Variants in JHY observed in about 807,000 individuals in gnomAD.
The protein encoded by JHY is junctional cadherin complex regulator.
In JHY, 69 loss-of-function variants were observed where a neutral mutation model predicts 78.0. The observed-to-expected ratio is 0.88, with a 90% confidence interval of 0.73 to 1.08. The LOEUF is 1.08. Among genes scored for constraint, JHY ranks in the 50% least tolerant of loss-of-function variants. The probability of loss-of-function intolerance (pLI) is 0.00; values close to 1 mark genes in which losing one functional copy is unlikely to be tolerated. For synonymous variants in JHY, 368 were observed against 342.6 expected (o/e 1.07, Z -0.82); for missense variants, 944 against 927.8 (o/e 1.02, Z -0.23).
rs749156371 is a variant in JHY, at chr11:122,904,401, T to G, written c.821T>G (p.Leu274Arg). The change falls in exon 3 of 9, where the codon CTT (leucine) becomes CGT (arginine). Residue 274 changes from leucine to arginine, a missense_variant. Transcript: ENST00000227349. The stretch of plus-strand genomic sequence containing the variant: ...CCCACCCCGAAAACGGACTCTTATC[T>G]TCAACTTCACAATAAAAAAAGAGGG... ...GLPTPKTDSYLQLHNKKRGES... is the reference protein window; with the variant it reads ...GLPTPKTDSYRQLHNKKRGES... The G allele has an allele frequency of 1.2e-6, 2 of 1,613,868 alleles. No individual in the cohort carries two copies. Among genetic ancestry groups the G allele is most frequent in the South Asian group, 1.1e-5 (1 of 91,074 alleles).
chr11:122,930,125 G>A (rs1565326344), intron 4 of JHY, among the ~76,000 whole-genome samples: 1 of 152,216 alleles, frequency 6.6e-6, no homozygotes, highest in Non-Finnish European at 1.5e-5. Context: ...CTATCACCCA[G>A]GATGGAGTAC....
In JHY at chr11:122,962,426, G is replaced by A. The variant is rs991627675; in HGVS notation, c.*2981G>A. On this transcript the variant is annotated 3_prime_UTR_variant, in exon 9 of 9. Transcript: ENST00000227349. ...AATTGAGAGTCTGCAAAGATAACAA[G>A]TATCTGAAGATAAACAGAAAACTGG... Among the ~76,000 whole-genome samples the A allele has an allele frequency of 1.3e-5, 2 of 152,182 alleles. No individual in the cohort carries two copies. Among genetic ancestry groups the A allele is most frequent in the Non-Finnish European group, 2.9e-5 (2 of 68,044 alleles).
chr11:122,898,567 G>C lies in JHY; in HGVS notation c.345-5358G>C, dbSNP rs1232340772. ...TGCTCCCTTTCCACATCCCACTCCT[G>C]AGTGAGTAGCAGAACAGTGATCCCC... On this transcript the variant is annotated intron_variant, in intron 2 of 8. Transcript: ENST00000227349. The surrounding 1 kb of genome is among the most constrained non-coding windows in gnomAD (Gnocchi z 4.4). Among the ~76,000 whole-genome samples the C allele has an allele frequency of 6.6e-6, 1 of 152,092 alleles. No individual in the cohort carries two copies. Among genetic ancestry groups the C allele is most frequent in the East Asian group, 1.9e-4 (1 of 5,198 alleles).
chr11:122,910,527 T>C (rs1172285860), intron 3 of JHY, among the ~76,000 whole-genome samples: 1 of 151,650 alleles, frequency 6.6e-6, no homozygotes, highest in African/African-American at 2.4e-5. Context: ...TGTATTTTCA[T>C]GGCACGCATA....
chr11:122,949,308 G>T (rs752608974), intron 6 of JHY, among the ~76,000 whole-genome samples: 1 of 151,912 alleles, frequency 6.6e-6, no homozygotes, highest in Non-Finnish European at 1.5e-5. Flanking sequence ...TGTGTAGGAC[G>T]GGGGGATCAT....
At chr11:122,899,830 G>C (rs994737382) in intron 2 of JHY, among the ~76,000 whole-genome samples, 43 of 152,236 alleles carry the variant, frequency 2.8e-4, no homozygotes, top group African/African-American at 8.9e-4. Flanking sequence ...CTGAATCAGA[G>C]ATGACTGATT....
At chr11:122,952,544 T>C (rs1236242080) in intron 6 of JHY, among the ~76,000 whole-genome samples, 3 of 152,156 alleles carry the variant, frequency 2.0e-5, no homozygotes, top group Non-Finnish European at 2.9e-5. Flanking sequence ...AGATCACCCT[T>C]TAGGCCACAC....
intron 6 of JHY, among the ~76,000 whole-genome samples, chr11:122,951,160 G>A (rs1385718027): frequency 6.6e-6 from 1 of 152,140 alleles, no homozygotes; most frequent in Admixed American, 6.5e-5. Flanking sequence ...ATTAAAACTT[G>A]GAGGATTTGT....
At position 122,917,787 on chromosome 11, in the gene JHY, A is replaced by T. The variant is rs1774899197; in HGVS notation, c.865-7110A>T. ...ATTCTTAGTTAGTTATGGAGAGTTC[A>T]GATTGCTGGATAATCAGTCTTTCTG... On this transcript the variant is annotated intron_variant, in intron 3 of 8. Transcript: ENST00000227349. The surrounding 1 kb of genome is among the most constrained non-coding windows in gnomAD (Gnocchi z 4.1). Among the ~76,000 whole-genome samples, 2 of 152,224 alleles carry T rather than the reference A, an allele frequency of 1.3e-5. No homozygotes were observed. The highest frequency in any genetic ancestry group is 2.9e-5 in the Non-Finnish European group (2 of 68,030).
intron 4 of JHY, among the ~76,000 whole-genome samples, chr11:122,933,981 C>A (rs2135354135): frequency 6.6e-6 from 1 of 152,262 alleles, no homozygotes. Flanking sequence ...ACTTTTAAAA[C>A]TTAAACTTTG....
At chr11:122,905,628 G>C (rs1448778777) in intron 3 of JHY, 2 of 980,200 alleles carry the variant, frequency 2.0e-6, no homozygotes, top group African/African-American at 3.5e-5. Context: ...AGCACTTTGG[G>C]AGGTCGAGGT....
chr11:122,917,153 G>A lies in JHY; in HGVS notation c.865-7744G>A, dbSNP rs1863249564. 6.6e-6 allele frequency among the ~76,000 whole-genome samples: 1 copy of A among 152,050 alleles called. No individual in the cohort carries two copies. Among genetic ancestry groups the A allele is most frequent in the Non-Finnish European group, 1.5e-5 (1 of 68,030 alleles). ...GTACAATAGGAATAAACAGGTTTGG[G>A]AACAAATGGAAAAGACTCTTGGTAA... On this transcript the variant is annotated intron_variant, in intron 3 of 8. Transcript: ENST00000227349. The surrounding 1 kb of genome is among the most constrained non-coding windows in gnomAD (Gnocchi z 4.1).
intron 2 of JHY, among the ~76,000 whole-genome samples, chr11:122,899,251 A>G (rs1862795865): frequency 6.6e-6 from 1 of 152,250 alleles, no homozygotes; most frequent in Non-Finnish European, 1.5e-5. Context: ...TGAATGAGCA[A>G]ATTGAATTAA....
intron 3 of JHY, chr11:122,905,068 A>G (rs548060103): frequency 2.2e-6 from 2 of 911,838 alleles, no homozygotes; most frequent in Admixed American, 2.3e-5. Context: ...ATTGAAAATC[A>G]CATCATTTGT....
chr11:122,911,946 A>G (rs1246839960), intron 3 of JHY, among the ~76,000 whole-genome samples: 7 of 145,992 alleles, frequency 4.8e-5, no homozygotes, highest in Admixed American at 2.0e-4. Context: ...GAGACAAAGT[A>G]ATGAGAGAGA....
chr11:122,934,563 T>C lies in JHY; in HGVS notation c.1122T>C (p.Asn374=). Reference sequence around the variant, plus strand: ...TTCGAAAGCAGTGTAAACACCAGAATGGCCTGAAGTCTTCCACAACGGAAG... The same window carrying C: ...TTCGAAAGCAGTGTAAACACCAGAACGGCCTGAAGTCTTCCACAACGGAAG... The part of the protein sequence containing the change: ...LKIRKQCKHQ[N]GLKSSTTEEV... Residue 374 remains asparagine, a synonymous_variant, in exon 5 of 9, where the codon AAT becomes AAC. Transcript: ENST00000227349. The C allele has an allele frequency of 6.2e-7, 1 of 1,614,074 alleles. No homozygotes were observed. Among genetic ancestry groups the C allele is most frequent in the Non-Finnish European group, 8.5e-7 (1 of 1,180,012 alleles).
chr11:122,936,760 CTTTG>C (rs928707480), intron 5 of JHY, among the ~76,000 whole-genome samples: 13 of 152,252 alleles, frequency 8.5e-5, no homozygotes, highest in African/African-American at 2.9e-4. Context: ...TGTGTTAACA[CTTTG>C]TTTAAGATTT....
At position 122,904,565 on chromosome 11, in the gene JHY, A is replaced by G. The variant is rs1322385759; in HGVS notation, c.864+121A>G. ...TGTCATAGCAGCCACCTAGCTGGGT[A>G]AAACAAACGCTTCCATAGGCTATCC... On this transcript the variant is annotated intron_variant, in intron 3 of 8. Transcript: ENST00000227349. The G allele has an allele frequency of 5.3e-6, 6 of 1,131,682 alleles. No individual in the cohort carries two copies. In the Admixed American group the frequency reaches 1.4e-4, roughly 26 times the overall value. The allele number at this position is 1,131,682 out of a possible 1,614,324, so 70.1% of individuals were successfully genotyped here. A position where few individuals can be genotyped will look rare whatever the true frequency, so the allele number is the denominator to read the frequency against.
chr11:122,936,660 T>A (rs1863763038), intron 5 of JHY, among the ~76,000 whole-genome samples: 1 of 152,230 alleles, frequency 6.6e-6, no homozygotes, highest in South Asian at 2.1e-4. Context: ...CAGATTTTTC[T>A]GATGATGCAC....
Sources: gnomAD v4.1 joint callset for allele counts (sites outside exome capture counted in the v4.1 genomes callset) on GRCh38, gnomAD v4.1.1 for gene constraint, Gnocchi (gnomAD v3.1) non-coding constraint, MANE v1.5 for transcripts, NCBI Gene and HGNC (gene_info 2026-07-23, HGNC 2026-07-21) for gene names.